The following DSCAM variants were observed in gnomAD, a reference collection of about 807,000 sequenced individuals.
The protein encoded by DSCAM is DS cell adhesion molecule, also known as cell adhesion molecule DSCAM.
A neutral mutation model predicts 217.7 loss-of-function variants in DSCAM; 47 were observed. The observed-to-expected ratio is 0.22, with a 90% CI of 0.17 to 0.28. The LOEUF is 0.28. Ranked by LOEUF, DSCAM falls within the 10% of genes least tolerant of loss-of-function variation. DSCAM has a pLI of 1.00. For missense variants in DSCAM, 2,080 were observed against 2,618.3 expected (o/e 0.79, Z 4.49); for synonymous variants, 1,056 against 1,015.3 (o/e 1.04, Z -0.76).
intron 3 of DSCAM, among the ~76,000 whole-genome samples, chr21:40,692,204 G>A (rs958335705): frequency 3.9e-5 from 6 of 152,200 alleles, no homozygotes; most frequent in African/African-American, 1.4e-4. Flanking sequence ...ATAGCACAGA[G>A]CAAGAAATCA....
At chr21:40,528,116 T>C (rs2076414407) in intron 3 of DSCAM, among the ~76,000 whole-genome samples, 1 of 152,204 alleles carries the variant, frequency 6.6e-6, no homozygotes, top group South Asian at 2.1e-4. Flanking sequence ...GATGATGACT[T>C]CATAAATCAT....
At chr21:40,351,834 C>T (rs1488396222) in intron 5 of DSCAM, among the ~76,000 whole-genome samples, 2 of 152,060 alleles carry the variant, frequency 1.3e-5, no homozygotes, top group Non-Finnish European at 1.5e-5. Context: ...GAGAAGGAGA[C>T]AGGAGAATGG....
At chr21:40,405,787 A>G (rs71316161) in intron 3 of DSCAM, among the ~76,000 whole-genome samples, 13,916 of 152,226 alleles carry the variant, frequency 0.091, 717 homozygotes, top group Non-Finnish European at 0.12. Flanking sequence ...ACTTGAGGTC[A>G]GGAGTTCAAG....
chr21:40,825,722 A>G (rs144194683), intron 1 of DSCAM, among the ~76,000 whole-genome samples: 4 of 152,118 alleles, frequency 2.6e-5, no homozygotes, highest in East Asian at 1.9e-4. Context: ...TTTTTTTTTT[A>G]AGTAAGGGGT....
intron 3 of DSCAM, among the ~76,000 whole-genome samples, chr21:40,499,519 C>T (rs961242556): frequency 7.9e-5 from 12 of 152,306 alleles, no homozygotes; most frequent in Admixed American, 3.3e-4. Context: ...TCACCAGCAA[C>T]GCATGTGTCT....
At chr21:40,259,506 T>C (rs777667579) in intron 11 of DSCAM, among the ~76,000 whole-genome samples, 5 of 151,894 alleles carry the variant, frequency 3.3e-5, no homozygotes, top group Non-Finnish European at 5.9e-5. Context: ...CAACCAGAGA[T>C]GAGAATTAGG....
At chr21:40,116,784 T>C (rs188194689) in intron 20 of DSCAM, among the ~76,000 whole-genome samples, 8,786 of 150,110 alleles carry the variant, frequency 0.059, 333 homozygotes, top group East Asian at 0.1. Context: ...GGGCGGATCA[T>C]GAGGTCAGGA....
chr21:40,448,169 G>T (rs2075690038), intron 3 of DSCAM, among the ~76,000 whole-genome samples: 1 of 152,136 alleles, frequency 6.6e-6, no homozygotes, highest in African/African-American at 2.4e-5. Flanking sequence ...CATTAATTCT[G>T]GATGTGTCTG....
At position 40,536,115 on chromosome 21, in the gene DSCAM, C is replaced by G. The variant is rs191325471; in HGVS notation, c.508+156695G>C. Among the ~76,000 whole-genome samples, 34 of 152,266 alleles carry G rather than the reference C, an allele frequency of 2.2e-4. No individual in the cohort carries two copies. The East Asian group carries it at 6.6e-3, about 29-fold the overall frequency. ...ATAAACGTAAGTGTCCAACATTCAGCCAGCAAATGTGCGAAAAACAATGAA... is the reference window on the plus strand; with the variant it reads ...ATAAACGTAAGTGTCCAACATTCAGGCAGCAAATGTGCGAAAAACAATGAA... On this transcript the variant is annotated intron_variant, in intron 3 of 32. Transcript: ENST00000400454.
At chr21:40,839,412 T>G (rs1222253073) in intron 1 of DSCAM, among the ~76,000 whole-genome samples, 1 of 152,216 alleles carries the variant, frequency 6.6e-6, no homozygotes, top group Non-Finnish European at 1.5e-5. Flanking sequence ...AAGGCAAGGC[T>G]TATTGCAGAA....
chr21:40,296,005 G>A (rs766325472), intron 10 of DSCAM, 50 bp downstream of exon 10: 8 of 1,594,114 alleles, frequency 5.0e-6, no homozygotes, highest in Non-Finnish European at 6.8e-6. Flanking sequence ...TAATCCTTTA[G>A]AACATAGCAA....
At chr21:40,620,048 A>G (rs990559653) in intron 3 of DSCAM, among the ~76,000 whole-genome samples, 1 of 117,978 alleles carries the variant, frequency 8.5e-6, no homozygotes, top group Admixed American at 8.2e-5. Flanking sequence ...AAGAGAGAGA[A>G]AAAAGAAAAA....
chr21:40,478,500 G>A (rs1846706291), intron 3 of DSCAM, among the ~76,000 whole-genome samples: 1 of 152,150 alleles, frequency 6.6e-6, no homozygotes, highest in Admixed American at 6.5e-5. Flanking sequence ...ATAGCAAATT[G>A]TAAAAAGTTA....
chr21:40,775,436 C>T (rs1452175469), intron 1 of DSCAM, among the ~76,000 whole-genome samples: 1 of 152,130 alleles, frequency 6.6e-6, no homozygotes, highest in African/African-American at 2.4e-5. Flanking sequence ...CCGTATGAAT[C>T]TGGGTGGACT....
At chr21:40,602,926 T>C (rs544393256) in intron 3 of DSCAM, among the ~76,000 whole-genome samples, 1 of 150,562 alleles carries the variant, frequency 6.6e-6, no homozygotes, top group South Asian at 2.1e-4. Context: ...CTTCGACTAT[T>C]GATTTCAAAT....
chr21:40,356,388 G>GATATATATAT lies in DSCAM; in HGVS notation c.656-2655_656-2646dup, dbSNP rs60717299. Among the ~76,000 whole-genome samples, 637 of 147,338 alleles carry GATATATATAT rather than the reference G, an allele frequency of 4.3e-3. 5 individuals carry two copies. The highest frequency in any genetic ancestry group is 0.012 in the South Asian group (56 of 4,600). On this transcript the variant is annotated intron_variant, in intron 4 of 32. Coordinates refer to ENST00000400454, the MANE Select transcript of DSCAM (RefSeq NM_001389.5). ...TAGATATGTTATTTTGCTTGATAGTGATATATATATATATATATATGCACA... is the reference window on the plus strand; with the variant it reads ...TAGATATGTTATTTTGCTTGATAGTGATATATATATATATATATATATATATATATGCACA...
At chr21:40,350,242 C>A (rs951151580) in intron 5 of DSCAM, among the ~76,000 whole-genome samples, 5 of 152,092 alleles carry the variant, frequency 3.3e-5, no homozygotes, top group African/African-American at 1.2e-4. Flanking sequence ...GACTTCATGA[C>A]TAAAACACCA....
At chr21:40,296,299 C>G (rs188291591) in intron 9 of DSCAM, 125 bp from the exon 10 acceptor site, 2 of 1,153,710 alleles carry the variant, frequency 1.7e-6, no homozygotes, top group African/African-American at 3.2e-5. Context: ...ACACATGGGA[C>G]AATAAAAACA....
chr21:40,366,045 T>C (rs1453571220), intron 4 of DSCAM, among the ~76,000 whole-genome samples: 1 of 152,204 alleles, frequency 6.6e-6, no homozygotes, highest in African/African-American at 2.4e-5. Context: ...TAACTTGAAC[T>C]TATTTTCTGG....
Sources: gnomAD v4.1 joint callset for allele counts (sites outside exome capture counted in the v4.1 genomes callset) on GRCh38, gnomAD v4.1.1 for gene constraint, MANE v1.5 for transcripts, NCBI Gene and HGNC (gene_info 2026-07-23, HGNC 2026-07-21) for gene names.